Variants in SMURF2 observed in about 807,000 individuals in gnomAD.
SMURF2 encodes E3 ubiquitin-protein ligase SMURF2.
Under a neutral mutation model 109.6 loss-of-function variants are expected in SMURF2, and 48 were observed. The ratio of observed to expected loss-of-function variants is 0.44; its 90% CI spans 0.35 to 0.56. The LOEUF (loss-of-function observed/expected upper bound fraction) is 0.56. SMURF2 is among the 20% of genes least tolerant of loss of function. The pLI is 0.01. For missense variants in SMURF2, 575 were observed against 909.0 expected, an observed-to-expected ratio of 0.63 and a Z score of 4.72; for synonymous variants, 288 against 317.1, an observed-to-expected ratio of 0.91 and a Z score of 0.97.
At chr17:64,639,808 T>TA (rs1396448737) in intron 1 of SMURF2, among the ~76,000 whole-genome samples, 4 of 152,324 alleles carry the variant, frequency 2.6e-5, no homozygotes, top group East Asian at 3.9e-4. Flanking sequence ...AAGTACCCGT[T>TA]ACTGTTTGGC....
intron 1 of SMURF2, among the ~76,000 whole-genome samples, chr17:64,629,532 T>A (rs1490092110): frequency 6.6e-6 from 1 of 152,148 alleles, no homozygotes; most frequent in Non-Finnish European, 1.5e-5. Flanking sequence ...AGGAAAAGTA[T>A]CTGCTTCACA....
intron 1 of SMURF2, among the ~76,000 whole-genome samples, chr17:64,631,559 C>G (rs1555691598): frequency 1.3e-5 from 2 of 152,224 alleles, no homozygotes; most frequent in African/African-American, 4.8e-5. Flanking sequence ...CTAACCTTCA[C>G]AGGTGAGGAA....
chr17:64,641,603 G>C (rs1474989076), intron 1 of SMURF2, among the ~76,000 whole-genome samples: 1 of 152,092 alleles, frequency 6.6e-6, no homozygotes, highest in Non-Finnish European at 1.5e-5. Context: ...CTGGTGCCCT[G>C]AGTCAGTCAT....
chr17:64,593,350 A>G (rs1460504598), intron 4 of SMURF2, 90 bp downstream of exon 4: 2 of 1,102,006 alleles, frequency 1.8e-6, no homozygotes, highest in African/African-American at 1.6e-5. Flanking sequence ...GGATACATAT[A>G]TAGTGCATGT....
chr17:64,563,452 A>C (rs1164505127), intron 10 of SMURF2, among the ~76,000 whole-genome samples: 1 of 152,268 alleles, frequency 6.6e-6, no homozygotes, highest in African/African-American at 2.4e-5. Context: ...TAAAATGCCA[A>C]GTCAATATTA....
At chr17:64,591,374 T>TC (rs1296481635) in intron 4 of SMURF2, among the ~76,000 whole-genome samples, 2 of 152,214 alleles carry the variant, frequency 1.3e-5, no homozygotes, top group African/African-American at 4.8e-5. Context: ...TAATTGTTGG[T>TC]CTTAAGGAAT....
intron 1 of SMURF2, among the ~76,000 whole-genome samples, chr17:64,649,958 T>C (rs56980465): frequency 0.05 from 7,642 of 152,188 alleles, 315 homozygotes; most frequent in Admixed American, 0.14. Context: ...GCCTTTTTTT[T>C]CTTGCCTAGC....
At chr17:64,651,301 C>T (rs1291090352) in intron 1 of SMURF2, among the ~76,000 whole-genome samples, 1 of 151,902 alleles carries the variant, frequency 6.6e-6, no homozygotes, top group African/African-American at 2.4e-5. Context: ...AAGCTGGGCG[C>T]GGTGGCTCAC....
At chr17:64,599,745 C>T (rs1196362876) in intron 2 of SMURF2, among the ~76,000 whole-genome samples, 1 of 152,192 alleles carries the variant, frequency 6.6e-6, no homozygotes, top group Non-Finnish European at 1.5e-5. Flanking sequence ...ACATCCCCTG[C>T]TCCCCATGTC....
At chr17:64,625,159 C>T (rs1555691056) in intron 1 of SMURF2, among the ~76,000 whole-genome samples, 1 of 152,176 alleles carries the variant, frequency 6.6e-6, no homozygotes, top group African/African-American at 2.4e-5. Context: ...TCCTGTCTCT[C>T]CAAAGCCAGG....
At chr17:64,553,288 C>T (rs945160546) in intron 15 of SMURF2, among the ~76,000 whole-genome samples, 1 of 151,790 alleles carries the variant, frequency 6.6e-6, no homozygotes, top group Non-Finnish European at 1.5e-5. Context: ...AAGCAGATCA[C>T]GAGGTCAGGA....
chr17:64,661,981 G>A lies in SMURF2; in HGVS notation c.-101C>T. 9.0e-7 allele frequency: 1 copy of A among 1,111,300 alleles called. No homozygotes were observed. The highest frequency in any genetic ancestry group is 1.1e-6 in the Non-Finnish European group (1 of 911,498). The allele number at this position is 1,111,300 out of a possible 1,614,324, so 68.8% of individuals were successfully genotyped here. A position where few individuals can be genotyped will look rare whatever the true frequency, so the allele number is the denominator to read the frequency against. The stretch of plus-strand genomic sequence containing the variant: ...GGCCGGGGCTGGGGCCCGAGCAGCC[G>A]GCGCCTCGGCCGCCACGGCCGGAGG... On this transcript the variant is annotated 5_prime_UTR_variant, in exon 1 of 19. Coordinates refer to ENST00000262435, the MANE Select transcript of SMURF2 (RefSeq NM_022739.4).
intron 1 of SMURF2, among the ~76,000 whole-genome samples, chr17:64,636,093 C>CT (rs1223250619): frequency 6.6e-6 from 1 of 152,054 alleles, no homozygotes; most frequent in East Asian, 1.9e-4. Context: ...TTTTCATGTG[C>CT]TTTTTGGCCA....
Position 64,562,902 on chromosome 17 carries a change from C to G in SMURF2, c.1081G>C (p.Glu361Gln). 1 of 1,614,172 alleles carries G rather than the reference C, an allele frequency of 6.2e-7. No homozygotes were observed. Among genetic ancestry groups the G allele is most frequent in the Non-Finnish European group, 8.5e-7 (1 of 1,180,024 alleles). ...TTGTACCTTGGGACTGTCAGGCATT[C>G]TGTGTCATCAGGACATAACGATACC... ...QVVSLCPDDT[E>Q]CLTVPRYKRD... Residue 361 changes from glutamate to glutamine, a missense_variant, in exon 11 of 19, where the codon GAA becomes CAA. Around this residue, in one of 5 missense-constraint regions of SMURF2, gnomAD observed 361 missense variants for 612.1 expected, o/e 0.59. Coordinates refer to ENST00000262435, the MANE Select transcript of SMURF2 (RefSeq NM_022739.4).
At chr17:64,627,431 T>C (rs1970283195) in intron 1 of SMURF2, among the ~76,000 whole-genome samples, 1 of 152,198 alleles carries the variant, frequency 6.6e-6, no homozygotes, top group Non-Finnish European at 1.5e-5. Context: ...CCATTAAGTT[T>C]TGAGACACTT....
At chr17:64,650,773 T>G (rs1555693416) in intron 1 of SMURF2, among the ~76,000 whole-genome samples, 1 of 151,664 alleles carries the variant, frequency 6.6e-6, no homozygotes, top group Admixed American at 6.6e-5. Context: ...GAGGTTGCAG[T>G]GAGTGGAGAT....
chr17:64,639,234 G>A (rs1025422251), intron 1 of SMURF2, among the ~76,000 whole-genome samples: 1 of 152,040 alleles, frequency 6.6e-6, no homozygotes, highest in Non-Finnish European at 1.5e-5. Context: ...AATTAACCAA[G>A]TGAACACATT....
chr17:64,615,991 G>A (rs781849959), intron 1 of SMURF2, among the ~76,000 whole-genome samples: 8 of 151,920 alleles, frequency 5.3e-5, no homozygotes, highest in Non-Finnish European at 8.8e-5. Context: ...CACCACACTC[G>A]GCTAATTGCT....
rs1232110684 is a variant in SMURF2 at position 64,542,558 on chromosome 17, A to G, written c.*3290T>C. The G allele has an allele frequency of 1.3e-5, 2 of 152,108 alleles. No individual in the cohort carries two copies. Among genetic ancestry groups the G allele is most frequent in the African/African-American group, 4.8e-5 (2 of 41,418 alleles). 9.4% of individuals were successfully genotyped at this position (152,108 alleles called of 1,614,324 possible). A position where few individuals can be genotyped will look rare whatever the true frequency, so the allele number is the denominator to read the frequency against. ...ACTAATTACATCTAGAAATAAAACA[A>G]CTCAGCATTTGGAACAATCATCCTA... On this transcript the variant is annotated 3_prime_UTR_variant, in exon 19 of 19. Coordinates refer to ENST00000262435, the MANE Select transcript of SMURF2 (RefSeq NM_022739.4).
Sources: gnomAD v4.1 joint callset for allele counts (sites outside exome capture counted in the v4.1 genomes callset) on GRCh38, gnomAD v4.1.1 for gene constraint, gnomAD v4.1.1 regional missense constraint, MANE v1.5 for transcripts, NCBI Gene and HGNC (gene_info 2026-07-23, HGNC 2026-07-21) for gene names.